MYT1L: variants seen among roughly 807,000 people sequenced by gnomAD.
The protein encoded by MYT1L is myelin transcription factor 1 like, also known as myelin transcription factor 1-like protein.
Under a neutral mutation model 126.7 loss-of-function variants are expected in MYT1L, and 12 were observed. The observed-to-expected ratio is 0.09, with a 90% CI of 0.06 to 0.15. The LOEUF (loss-of-function observed/expected upper bound fraction) is 0.15, where lower values mean the gene tolerates loss of function less well. Ranked by LOEUF, MYT1L falls within the 10% of genes least tolerant of loss-of-function variation. The pLI is 1.00. For synonymous variants in MYT1L, 541 were observed against 604.2 expected, an observed-to-expected ratio of 0.90 and a Z score of 1.53; for missense variants, 979 against 1,585.2, an observed-to-expected ratio of 0.62 and a Z score of 6.49.
At chr2:1,857,443 C>A (rs1289284563) in intron 18 of MYT1L, among the ~76,000 whole-genome samples, 3 of 152,106 alleles carry the variant, frequency 2.0e-5, no homozygotes, top group Admixed American at 6.5e-5. Context: ...CTAAAATGTA[C>A]AGAACAACAT....
intron 2 of MYT1L, among the ~76,000 whole-genome samples, chr2:2,192,782 G>T (rs1405368993): frequency 6.6e-6 from 1 of 152,140 alleles, no homozygotes; most frequent in Middle Eastern, 3.2e-3. Flanking sequence ...GGGAGCAGAG[G>T]CTGGGATTCA....
rs2059184560 is a variant in MYT1L, at chr2:1,964,429, G to C, written c.152+14736C>G. ...AAAACGGCATTGATGGACTTGTATGGTCAGGGTTGCCACAAACCTTCAGTT... is the reference window on the plus strand; with the variant it reads ...AAAACGGCATTGATGGACTTGTATGCTCAGGGTTGCCACAAACCTTCAGTT... On this transcript the variant is annotated intron_variant, in intron 8 of 24. Transcript: ENST00000647738. Among the ~76,000 whole-genome samples the C allele has an allele frequency of 3.3e-5, 5 of 152,224 alleles. 1 individual carries two copies. The highest frequency in any genetic ancestry group is 3.3e-4 in the Admixed American group (5 of 15,282).
intron 8 of MYT1L, among the ~76,000 whole-genome samples, chr2:1,978,094 G>A (rs1279564685): frequency 6.6e-6 from 1 of 152,206 alleles, no homozygotes; most frequent in Non-Finnish European, 1.5e-5. Context: ...ACAAATGCTA[G>A]AATGGGGATT....
chr2:2,270,091 G>C (rs952682870), intron 2 of MYT1L, among the ~76,000 whole-genome samples: 4 of 152,168 alleles, frequency 2.6e-5, no homozygotes, highest in African/African-American at 7.2e-5. Flanking sequence ...GAAGGGACTG[G>C]TGTCCTTTTA....
At chr2:2,190,479 A>AAAAG (rs773653486) in intron 2 of MYT1L, among the ~76,000 whole-genome samples, 1 of 148,894 alleles carries the variant, frequency 6.7e-6, no homozygotes, top group Non-Finnish European at 1.5e-5. Context: ...CAGCCTTTAG[A>AAAAG]CTTCCTGGGG....
chr2:1,844,655 C>G (rs796141615), intron 19 of MYT1L, among the ~76,000 whole-genome samples: 2 of 152,126 alleles, frequency 1.3e-5, no homozygotes, highest in Non-Finnish European at 2.9e-5. Flanking sequence ...CCTGCATCAT[C>G]GGCTGTGAAA....
intron 2 of MYT1L, among the ~76,000 whole-genome samples, chr2:2,227,234 G>C (rs2094033023): frequency 1.3e-5 from 2 of 152,056 alleles, no homozygotes; most frequent in South Asian, 4.1e-4. Flanking sequence ...GATATCATCT[G>C]GTCCCATGGG....
intron 12 of MYT1L, among the ~76,000 whole-genome samples, chr2:1,911,137 G>A (rs1206057372): frequency 6.6e-6 from 1 of 152,154 alleles, no homozygotes; most frequent in African/African-American, 2.4e-5. Context: ...CACACAGCAC[G>A]CACCTCTCCA....
At chr2:1,921,567 AAATT>A (rs2149098770) in intron 10 of MYT1L, among the ~76,000 whole-genome samples, 1 of 152,316 alleles carries the variant, frequency 6.6e-6, no homozygotes, top group East Asian at 1.9e-4. Flanking sequence ...GTTTTATAAT[AAATT>A]AATATTTGAG....
intron 23 of MYT1L, among the ~76,000 whole-genome samples, chr2:1,800,997 C>T (rs540042323): frequency 4.6e-5 from 7 of 152,296 alleles, no homozygotes; most frequent in Admixed American, 3.3e-4. Context: ...GAGTGTACTT[C>T]GGCGGGACCC....
At chr2:2,022,786 T>C (rs2065165540) in intron 4 of MYT1L, among the ~76,000 whole-genome samples, 1 of 152,026 alleles carries the variant, frequency 6.6e-6, no homozygotes, top group African/African-American at 2.4e-5. Context: ...AAAACAATGA[T>C]TCAACAGCCT....
intron 2 of MYT1L, among the ~76,000 whole-genome samples, chr2:2,192,175 C>G (rs1348573053): frequency 6.6e-6 from 1 of 152,212 alleles, no homozygotes; most frequent in Non-Finnish European, 1.5e-5. Context: ...AAATAGAAGG[C>G]TGACCTGAAT....
chr2:2,226,216 C>A (rs2094005126), intron 2 of MYT1L, among the ~76,000 whole-genome samples: 1 of 152,154 alleles, frequency 6.6e-6, no homozygotes, highest in Non-Finnish European at 1.5e-5. Flanking sequence ...AGTTGTGCGG[C>A]CTGCCAGGGT....
intron 3 of MYT1L, among the ~76,000 whole-genome samples, chr2:2,120,286 G>C (rs2080812513): frequency 6.6e-6 from 1 of 152,096 alleles, no homozygotes; most frequent in African/African-American, 2.4e-5. Flanking sequence ...TAAATCACAA[G>C]CCAGCCATGT....
intron 2 of MYT1L, among the ~76,000 whole-genome samples, chr2:2,180,225 C>T (rs1331455213): frequency 1.3e-5 from 2 of 152,124 alleles, no homozygotes; most frequent in African/African-American, 4.8e-5. Context: ...CTTCCAAGCC[C>T]CCCAAGGAAC....
intron 2 of MYT1L, among the ~76,000 whole-genome samples, chr2:2,278,353 C>T (rs1289192561): frequency 6.6e-6 from 1 of 152,104 alleles, no homozygotes; most frequent in Non-Finnish European, 1.5e-5. Flanking sequence ...TATTTCCTGC[C>T]AGTCTGGTTT....
chr2:2,014,620 C>A (rs892013025), intron 4 of MYT1L, among the ~76,000 whole-genome samples: 2 of 152,234 alleles, frequency 1.3e-5, no homozygotes, highest in African/African-American at 4.8e-5. Context: ...CGGATGGGCA[C>A]CCTGCCTGAC....
Position 1,848,563 on chromosome 2 carries a change from T to C in MYT1L, c.2774+3078A>G, listed in dbSNP as rs1397100593. On this transcript the variant is annotated intron_variant, in intron 19 of 24. Transcript: ENST00000647738. This position sits in a 1 kb window ranked among gnomAD's most constrained non-coding sequence, Gnocchi z 4.8. ...CCAGTGAATCATCGTCTAAGTGGCG[T>C]TTGCCTATAGGTAACATTATCTTCC... Among the ~76,000 whole-genome samples the C allele has an allele frequency of 1.3e-5, 2 of 152,090 alleles. No homozygotes were observed. The highest frequency in any genetic ancestry group is 4.8e-5 in the African/African-American group (2 of 41,398).
chr2:2,204,218 A>G (rs2093209974), intron 2 of MYT1L, among the ~76,000 whole-genome samples: 2 of 152,250 alleles, frequency 1.3e-5, no homozygotes, highest in African/African-American at 4.8e-5. Context: ...CTTCATGTCT[A>G]AAACACCAAA....
Sources: allele counts gnomAD v4.1 joint callset (sites outside exome capture counted in the v4.1 genomes callset), GRCh38; gene constraint gnomAD v4.1.1; non-coding constraint Gnocchi (gnomAD v3.1); transcripts MANE v1.5; gene names NCBI Gene and HGNC (gene_info 2026-07-23, HGNC 2026-07-21).